The following SYT10 variants were observed in gnomAD, a reference collection of about 807,000 sequenced individuals.
The protein encoded by SYT10 is synaptotagmin 10, also known as synaptotagmin-10.
SYT10 carries 31 observed loss-of-function variants against 51.1 expected under a neutral mutation model. The ratio of observed to expected loss-of-function variants is 0.61; its 90% confidence interval spans 0.46 to 0.82. The LOEUF is 0.82. Among genes scored for constraint, SYT10 ranks in the 40% least tolerant of loss-of-function variants. SYT10 has a pLI of 0.00. For missense variants in SYT10, 603 were observed against 634.0 expected (o/e 0.95, Z 0.53); for synonymous variants, 233 against 225.9 (o/e 1.03, Z -0.28).
chr12:33,395,973 G>T (rs1866252701), intron 3 of SYT10, among the ~76,000 whole-genome samples: 1 of 152,180 alleles, frequency 6.6e-6, no homozygotes. Flanking sequence ...CCTAGTTCTG[G>T]CTCTTCTACT....
chr12:33,400,902 G>A (rs1283453177), intron 3 of SYT10, among the ~76,000 whole-genome samples: 2 of 151,960 alleles, frequency 1.3e-5, no homozygotes, highest in Non-Finnish European at 2.9e-5. Context: ...AGCACATGCT[G>A]TAATACCAGC....
At chr12:33,380,858 G>T (rs1262957695) in intron 5 of SYT10, among the ~76,000 whole-genome samples, 2 of 152,104 alleles carry the variant, frequency 1.3e-5, no homozygotes, top group African/African-American at 4.8e-5. Flanking sequence ...TTTCAATTTT[G>T]ACAGACATCT....
At chr12:33,402,056 A>G (rs1425607342) in intron 3 of SYT10, among the ~76,000 whole-genome samples, 1 of 152,166 alleles carries the variant, frequency 6.6e-6, no homozygotes, top group African/African-American at 2.4e-5. Context: ...GGCTTTGTCC[A>G]TCTCATCTTG....
At chr12:33,396,855 G>A (rs1866260768) in intron 3 of SYT10, among the ~76,000 whole-genome samples, 1 of 152,094 alleles carries the variant, frequency 6.6e-6, no homozygotes, top group Non-Finnish European at 1.5e-5. Flanking sequence ...GGCCAGGATG[G>A]TCTCAATCTC....
At chr12:33,391,601 C>A (rs1313117805) in intron 3 of SYT10, among the ~76,000 whole-genome samples, 2 of 152,106 alleles carry the variant, frequency 1.3e-5, no homozygotes, top group Non-Finnish European at 2.9e-5. Context: ...CTCTGACTGT[C>A]TCTGCAGTCA....
intron 4 of SYT10, among the ~76,000 whole-genome samples, chr12:33,384,195 A>G (rs1175766070): frequency 1.3e-5 from 2 of 152,166 alleles, no homozygotes; most frequent in Non-Finnish European, 2.9e-5. Context: ...TTTAATACAG[A>G]TATTAGCAAT....
At position 33,374,772 on chromosome 12, in the gene SYT10, A is replaced by AT. The variant is rs1296651739; in HGVS notation, c.*2057dup. The AT allele has an allele frequency of 1.3e-5, 2 of 151,882 alleles. No homozygotes were observed. Among genetic ancestry groups the AT allele is most frequent in the African/African-American group, 4.8e-5 (2 of 41,384 alleles). 9.4% of individuals were successfully genotyped at this position (151,882 alleles called of 1,614,324 possible). A position where few individuals can be genotyped will look rare whatever the true frequency, so the allele number is the denominator to read the frequency against. On this transcript the variant is annotated 3_prime_UTR_variant, in exon 7 of 7. Coordinates refer to ENST00000228567, the MANE Select transcript of SYT10 (RefSeq NM_198992.4). ...GTCTTCTGATTGGCCAATGGTTCAC[A>AT]TTTTTTCATCACAAGCATTGGCTTT...
chr12:33,435,461 T>TA (rs1393172478), intron 1 of SYT10, among the ~76,000 whole-genome samples: 1 of 152,176 alleles, frequency 6.6e-6, no homozygotes, highest in Non-Finnish European at 1.5e-5. Context: ...AGTTGGCCAC[T>TA]CTTCAGTGGA....
At chr12:33,419,200 C>G (rs928089513) in intron 2 of SYT10, among the ~76,000 whole-genome samples, 13 of 152,134 alleles carry the variant, frequency 8.5e-5, no homozygotes, top group African/African-American at 3.1e-4. Context: ...TTTCCAATCC[C>G]TTTATTTTGT....
At chr12:33,390,901 G>A (rs1406048095) in intron 3 of SYT10, among the ~76,000 whole-genome samples, 1 of 152,048 alleles carries the variant, frequency 6.6e-6, no homozygotes, top group Non-Finnish European at 1.5e-5. Flanking sequence ...GATAACACAG[G>A]TCTGCATAAT....
At chr12:33,427,385 A>G (rs1288088287) in intron 1 of SYT10, among the ~76,000 whole-genome samples, 1 of 152,122 alleles carries the variant, frequency 6.6e-6, no homozygotes, top group Admixed American at 6.5e-5. Context: ...AATATAGAGA[A>G]GCAGAAAATT....
At chr12:33,426,109 C>CA (rs776657772) in intron 2 of SYT10, 29 bp downstream of exon 2, 4 of 1,547,142 alleles carry the variant, frequency 2.6e-6, no homozygotes, top group Non-Finnish European at 1.7e-6. Flanking sequence ...CGCACACACA[C>CA]CAGTTTTATA....
At chr12:33,378,846 GT>G (rs1007381962) in intron 6 of SYT10, among the ~76,000 whole-genome samples, 6 of 143,366 alleles carry the variant, frequency 4.2e-5, no homozygotes, top group Non-Finnish European at 7.8e-5. Context: ...GTGTGTGTGT[GT>G]GTTTGTAGAT....
chr12:33,382,471 C>CT lies in SYT10; in HGVS notation c.1247dup (p.Arg417GlufsTer16). 6.2e-7 allele frequency: 1 copy of CT among 1,613,068 alleles called. No individual in the cohort carries two copies. The highest frequency in any genetic ancestry group is 8.5e-7 in the Non-Finnish European group (1 of 1,179,480). ...TGTTTTTCTTTGTAGTTGTTTTCCTCTTTTTTAATCTTCGACCTTCACACA... is the reference window on the plus strand; with the variant it reads ...TGTTTTTCTTTGTAGTTGTTTTCCTCTTTTTTTAATCTTCGACCTTCACACA... On this transcript the variant is annotated frameshift_variant, in exon 5 of 7. Coordinates refer to ENST00000228567, the MANE Select transcript of SYT10 (RefSeq NM_198992.4). LOFTEE classifies it high-confidence loss of function.
intron 1 of SYT10, among the ~76,000 whole-genome samples, chr12:33,430,280 T>G (rs1210929328): frequency 2.0e-5 from 3 of 152,164 alleles, no homozygotes; most frequent in African/African-American, 7.2e-5. Context: ...CAAAATAAAG[T>G]GACATAGTTC....
chr12:33,417,805 T>C (rs1185386023), intron 2 of SYT10, among the ~76,000 whole-genome samples: 1 of 151,552 alleles, frequency 6.6e-6, no homozygotes, highest in African/African-American at 2.4e-5. Context: ...ATTGAGGGTG[T>C]ACACAAGAGA....
At chr12:33,437,109 T>C (rs557413545) in intron 1 of SYT10, among the ~76,000 whole-genome samples, 27 of 152,368 alleles carry the variant, frequency 1.8e-4, no homozygotes, top group Admixed American at 1.4e-3. Flanking sequence ...TGAGTGTCTA[T>C]TTGCAGATTA....
chr12:33,376,309 A>C lies in SYT10; in HGVS notation c.*521T>G, dbSNP rs921553528. 5 of 152,272 alleles carry C rather than the reference A, an allele frequency of 3.3e-5. No individual in the cohort carries two copies. Among genetic ancestry groups the C allele is most frequent in the Admixed American group, 2.0e-4 (3 of 15,278 alleles). 9.4% of individuals were successfully genotyped at this position (152,272 alleles called of 1,614,324 possible). A position where few individuals can be genotyped will look rare whatever the true frequency, so the allele number is the denominator to read the frequency against. On this transcript the variant is annotated 3_prime_UTR_variant, in exon 7 of 7. Coordinates refer to ENST00000228567, the MANE Select transcript of SYT10 (RefSeq NM_198992.4). ...CTCACCAAGAAAGTAATTTTCTGAG[A>C]ATGAAAGAAAAGTATTATCAGATAA...
chr12:33,426,916 A>G (rs1466231733), intron 1 of SYT10, among the ~76,000 whole-genome samples: 1 of 152,236 alleles, frequency 6.6e-6, no homozygotes, highest in African/African-American at 2.4e-5. Flanking sequence ...GCAGAGAATC[A>G]TATTAAATAT....
Sources: gnomAD v4.1 joint callset for allele counts (sites outside exome capture counted in the v4.1 genomes callset) on GRCh38, gnomAD v4.1.1 for gene constraint, MANE v1.5 for transcripts, NCBI Gene and HGNC (gene_info 2026-07-23, HGNC 2026-07-21) for gene names.